PPP1R9A: variants seen among roughly 807,000 people sequenced by gnomAD.
PPP1R9A encodes protein phosphatase 1 regulatory subunit 9A.
A neutral mutation model predicts 141.9 loss-of-function variants in PPP1R9A; 59 were observed. That is an observed-to-expected ratio of 0.42 (90% CI 0.34 to 0.52). PPP1R9A has a LOEUF of 0.52. PPP1R9A is among the 20% of genes least tolerant of loss of function. The pLI, the probability that PPP1R9A is intolerant of heterozygous loss-of-function variation, is 0.10. For missense variants in PPP1R9A, 1,444 were observed against 1,611.9 expected (o/e 0.90, Z 1.78); for synonymous variants, 500 against 569.7 (o/e 0.88, Z 1.74).
At chr7:95,027,221 T>TTCCCCCC (rs1563139182) in intron 2 of PPP1R9A, among the ~76,000 whole-genome samples, 1 of 151,972 alleles carries the variant, frequency 6.6e-6, no homozygotes, top group African/African-American at 2.4e-5. Flanking sequence ...GCATAGGCAC[T>TTCCCCCC]GGAGGGAATC....
Position 95,292,710 on chromosome 7 carries a change from G to A in PPP1R9A, c.*2407G>A, listed in dbSNP as rs753732048. 8 of 152,086 alleles carry A rather than the reference G, an allele frequency of 5.3e-5. No homozygotes were observed. Among genetic ancestry groups the A allele is most frequent in the East Asian group, 1.9e-4 (1 of 5,196 alleles). The allele number at this position is 152,086 out of a possible 1,614,324, so 9.4% of individuals were successfully genotyped here. Reference sequence around the variant, plus strand: ...AGTTAAATTATAGTAATTTTAGGCCGAAGTGAGTTATTTTAACATTACCAC... The same window carrying A: ...AGTTAAATTATAGTAATTTTAGGCCAAAGTGAGTTATTTTAACATTACCAC... On this transcript the variant is annotated 3_prime_UTR_variant, in exon 20 of 20. Transcript: ENST00000433360.
intron 2 of PPP1R9A, among the ~76,000 whole-genome samples, chr7:94,921,301 G>T (rs923974447): frequency 2.6e-5 from 4 of 151,962 alleles, no homozygotes; most frequent in Non-Finnish European, 5.9e-5. Context: ...AAAAAAATTA[G>T]CTGGGCGTGG....
intron 2 of PPP1R9A, among the ~76,000 whole-genome samples, chr7:94,940,055 A>G (rs1795173538): frequency 6.6e-6 from 1 of 152,094 alleles, no homozygotes; most frequent in Non-Finnish European, 1.5e-5. Context: ...TCATGAATAG[A>G]TGAAAGTTCT....
chr7:95,234,805 G>A (rs1312520655), intron 8 of PPP1R9A, among the ~76,000 whole-genome samples: 1 of 152,104 alleles, frequency 6.6e-6, no homozygotes, highest in East Asian at 1.9e-4. Context: ...CATGGTACTG[G>A]TATAAAATTA....
intron 2 of PPP1R9A, among the ~76,000 whole-genome samples, chr7:94,936,065 T>A (rs931448798): frequency 1.3e-5 from 2 of 152,222 alleles, no homozygotes; most frequent in African/African-American, 2.4e-5. Context: ...AAAGCCCATT[T>A]GGGTAATCAA....
At position 95,108,711 on chromosome 7, in the gene PPP1R9A, G is replaced by A. The variant is rs1000555813; in HGVS notation, c.1396-2548G>A. On this transcript the variant is annotated intron_variant, in intron 2 of 19. Coordinates refer to ENST00000433360, the MANE Select transcript of PPP1R9A (RefSeq NM_001166160.2). Reference sequence around the variant, plus strand: ...ATTTAATTTCAGAATACTCTCAAATGAACTTTATAAACTAGCCCGAATAGG... The same window carrying A: ...ATTTAATTTCAGAATACTCTCAAATAAACTTTATAAACTAGCCCGAATAGG... 2.0e-5 allele frequency among the ~76,000 whole-genome samples: 3 copies of A among 151,892 alleles called. No homozygotes were observed. The South Asian group carries it at 6.3e-4, about 32-fold the overall frequency.
intron 4 of PPP1R9A, among the ~76,000 whole-genome samples, chr7:95,157,266 C>T (rs1433638906): frequency 6.6e-6 from 1 of 152,166 alleles, no homozygotes; most frequent in Non-Finnish European, 1.5e-5. Context: ...TCTCCCCCCC[C>T]AGAGTGCAGG....
chr7:94,950,089 A>G (rs1563034807), intron 2 of PPP1R9A, among the ~76,000 whole-genome samples: 1 of 152,058 alleles, frequency 6.6e-6, no homozygotes, highest in African/African-American at 2.4e-5. Flanking sequence ...ATAAGTTAGG[A>G]TTTTATGGAA....
chr7:94,937,313 T>G (rs1473862839), intron 2 of PPP1R9A, among the ~76,000 whole-genome samples: 1 of 152,168 alleles, frequency 6.6e-6, no homozygotes, highest in East Asian at 1.9e-4. Context: ...GGCTGTTCCC[T>G]TCACTGGAAG....
At chr7:95,250,281 A>ATTCTT in intron 10 of PPP1R9A, 26 bp downstream of exon 10, 1 of 1,546,546 alleles carries the variant, frequency 6.5e-7, no homozygotes, top group Non-Finnish European at 8.8e-7. Flanking sequence ...TAACTAAAGA[A>ATTCTT]TAGTTATGTT....
chr7:95,111,813 G>A (rs1820625112), intron 3 of PPP1R9A, among the ~76,000 whole-genome samples: 2 of 152,010 alleles, frequency 1.3e-5, no homozygotes, highest in Non-Finnish European at 1.5e-5. Context: ...AATTTAAATA[G>A]TAGGGCTACA....
intron 7 of PPP1R9A, among the ~76,000 whole-genome samples, chr7:95,208,406 T>C (rs1335400007): frequency 1.3e-5 from 2 of 152,166 alleles, no homozygotes; most frequent in African/African-American, 4.8e-5. Context: ...CATAGAAGAA[T>C]GCCTTTATGA....
chr7:95,011,317 G>A (rs889242801), intron 2 of PPP1R9A, among the ~76,000 whole-genome samples: 1 of 151,906 alleles, frequency 6.6e-6, no homozygotes, highest in East Asian at 1.9e-4. Context: ...AGTCTTTCTC[G>A]GAGTTTCTTT....
intron 2 of PPP1R9A, among the ~76,000 whole-genome samples, chr7:95,105,496 A>G (rs1819383637): frequency 6.6e-6 from 1 of 152,230 alleles, no homozygotes; most frequent in African/African-American, 2.4e-5. Flanking sequence ...AGAAGTCTTA[A>G]ATTTAAACAT....
At chr7:95,006,863 A>ATT (rs1215381838) in intron 2 of PPP1R9A, among the ~76,000 whole-genome samples, 9 of 143,550 alleles carry the variant, frequency 6.3e-5, no homozygotes, top group African/African-American at 1.5e-4. Context: ...GGCCATAATA[A>ATT]TTTTTTTTTT....
At chr7:95,072,682 A>G (rs1361384744) in intron 2 of PPP1R9A, among the ~76,000 whole-genome samples, 2 of 118,984 alleles carry the variant, frequency 1.7e-5, no homozygotes, top group African/African-American at 6.5e-5. Context: ...TATATTACAT[A>G]TTATATATTA....
chr7:95,213,915 T>C (rs1435218250), intron 7 of PPP1R9A, among the ~76,000 whole-genome samples: 1 of 152,156 alleles, frequency 6.6e-6, no homozygotes, highest in Non-Finnish European at 1.5e-5. Flanking sequence ...ACTTCCTACT[T>C]TCTCGTTAGA....
intron 2 of PPP1R9A, among the ~76,000 whole-genome samples, chr7:94,939,766 T>TTATATA (rs376392944): frequency 1.9e-3 from 271 of 145,802 alleles, no homozygotes; most frequent in African/African-American, 6.7e-3. Context: ...AGGGACAAGA[T>TTATATA]TATATATATA....
At chr7:95,058,746 T>A (rs1811820989) in intron 2 of PPP1R9A, among the ~76,000 whole-genome samples, 1 of 150,568 alleles carries the variant, frequency 6.6e-6, no homozygotes, top group African/African-American at 2.4e-5. Context: ...CGGGGTGGAG[T>A]AGGGAGAAGG....
Sources: gnomAD v4.1 joint callset for allele counts (sites outside exome capture counted in the v4.1 genomes callset) on GRCh38, gnomAD v4.1.1 for gene constraint, MANE v1.5 for transcripts, NCBI Gene and HGNC (gene_info 2026-07-23, HGNC 2026-07-21) for gene names.